The following WDR7 variants were observed in gnomAD, a reference collection of about 807,000 sequenced individuals.
The protein encoded by WDR7 is WD repeat-containing protein 7.
A neutral mutation model predicts 169.4 loss-of-function variants in WDR7; 46 were observed. The ratio of observed to expected loss-of-function variants is 0.27; its 90% CI spans 0.21 to 0.35. The LOEUF (loss-of-function observed/expected upper bound fraction) is 0.35. Among genes scored for constraint, WDR7 ranks in the 10% least tolerant of loss-of-function variants. The pLI is 1.00. For synonymous variants in WDR7, 612 were observed against 666.8 expected (o/e 0.92, Z 1.27); for missense variants, 1,534 against 1,859.3 (o/e 0.83, Z 3.22).
intron 26 of WDR7, chr18:57,010,333 A>G: frequency 2.1e-6 from 2 of 972,188 alleles, no homozygotes; most frequent in Non-Finnish European, 2.4e-6. Flanking sequence ...TTTATTCACT[A>G]TTCTTTTATT....
chr18:57,030,479 A>C (rs1044813778), downstream of WDR7: 1 of 152,170 alleles, frequency 6.6e-6, no homozygotes, highest in Non-Finnish European at 1.5e-5. Context: ...TCTTATAGGG[A>C]AAATAGGGGC....
At chr18:56,782,784 T>G (rs2044339013) in intron 19 of WDR7, among the ~76,000 whole-genome samples, 1 of 152,150 alleles carries the variant, frequency 6.6e-6, no homozygotes, top group South Asian at 2.1e-4. Flanking sequence ...TACCAGATCT[T>G]TGCCAGTGGT....
intron 14 of WDR7, among the ~76,000 whole-genome samples, chr18:56,747,142 A>G (rs1413184001): frequency 6.6e-6 from 1 of 152,148 alleles, no homozygotes; most frequent in African/African-American, 2.4e-5. Context: ...TCAAATCTCT[A>G]CAGAATGAAT....
At chr18:57,016,524 C>T (rs1303989098) in intron 26 of WDR7, among the ~76,000 whole-genome samples, 2 of 152,046 alleles carry the variant, frequency 1.3e-5, no homozygotes, top group Middle Eastern at 3.2e-3. Context: ...GTTTCAAGTC[C>T]CAAACTTGTC....
chr18:56,989,083 GA>G (rs35161458), intron 26 of WDR7, among the ~76,000 whole-genome samples: 9,098 of 136,250 alleles, frequency 0.067, 835 homozygotes, highest in African/African-American at 0.21. Context: ...ATGGTTTTTT[GA>G]AAAAAAAAAA....
chr18:56,743,178 A>C (rs547080973), intron 14 of WDR7, among the ~76,000 whole-genome samples: 1 of 152,280 alleles, frequency 6.6e-6, no homozygotes, highest in South Asian at 2.1e-4. Context: ...ATCGAATGTA[A>C]AAGCAGGTTT....
At chr18:56,852,784 CTG>C (rs1220990525) in intron 20 of WDR7, among the ~76,000 whole-genome samples, 3 of 152,086 alleles carry the variant, frequency 2.0e-5, no homozygotes, top group South Asian at 2.1e-4. Flanking sequence ...TGCTGAATAT[CTG>C]TGGATATTTA....
intron 14 of WDR7, among the ~76,000 whole-genome samples, chr18:56,746,055 T>C (rs1032784860): frequency 6.6e-6 from 1 of 152,212 alleles, no homozygotes; most frequent in African/African-American, 2.4e-5. Context: ...TTATATGACA[T>C]GGTATTGCAG....
At chr18:56,695,244 AC>A in intron 11 of WDR7, 46 bp downstream of exon 11, 1 of 1,575,170 alleles carries the variant, frequency 6.3e-7, no homozygotes, top group Non-Finnish European at 8.6e-7. Flanking sequence ...GACAACTCTT[AC>A]CCAGAGAGTG....
chr18:56,812,537 A>T (rs1392162678), intron 19 of WDR7, among the ~76,000 whole-genome samples: 1 of 152,196 alleles, frequency 6.6e-6, no homozygotes, highest in Admixed American at 6.5e-5. Context: ...AGGATAGGCC[A>T]TCTGTAAGTG....
At chr18:56,699,529 T>G (rs776397433) in intron 12 of WDR7, among the ~76,000 whole-genome samples, 2 of 152,250 alleles carry the variant, frequency 1.3e-5, no homozygotes, top group Non-Finnish European at 2.9e-5. Context: ...GTCATCTGTT[T>G]TGTTTATTAG....
chr18:56,750,215 T>C (rs2043769632), intron 14 of WDR7, among the ~76,000 whole-genome samples: 1 of 152,208 alleles, frequency 6.6e-6, no homozygotes, highest in Non-Finnish European at 1.5e-5. Flanking sequence ...TGTGGCTTTA[T>C]TTCTGTAATA....
intron 14 of WDR7, among the ~76,000 whole-genome samples, chr18:56,740,579 A>T (rs2043605063): frequency 6.6e-6 from 1 of 152,164 alleles, no homozygotes; most frequent in African/African-American, 2.4e-5. Flanking sequence ...ACTTAATATA[A>T]TCAGGGACTA....
In WDR7 at chr18:56,719,561, C is replaced by CAA. The variant is rs58285674; in HGVS notation, c.1774+1419_1774+1420dup. ...TGGGAGACACAGCGAGACTCTGTCT[C>CAA]AAAAAAAAAAAAAAAAAACAGAATT... On this transcript the variant is annotated intron_variant, in intron 13 of 27. Transcript: ENST00000254442. Among the ~76,000 whole-genome samples, 80 of 106,160 alleles carry CAA rather than the reference C, an allele frequency of 7.5e-4. 1 individual carries two copies. In the Middle Eastern group the frequency reaches 0.013, roughly 17 times the overall value. 69.6% of individuals were successfully genotyped at this position (106,160 alleles called of 152,430 possible).
At chr18:56,986,158 GTGTGTGTGTGTGTGTGTGTGTA>G (rs1385670471) in intron 26 of WDR7, among the ~76,000 whole-genome samples, 1 of 150,080 alleles carries the variant, frequency 6.7e-6, no homozygotes, top group Non-Finnish European at 1.5e-5. Flanking sequence ...GTGTGTGTGT[GTGTGTGTGTGTGTGTGTGTGTA>G]TACATATTCA....
chr18:56,898,540 G>A (rs963834003), intron 21 of WDR7, among the ~76,000 whole-genome samples: 3 of 151,974 alleles, frequency 2.0e-5, no homozygotes, highest in South Asian at 2.1e-4. Context: ...ACATTTCAAC[G>A]TCAGATTTTC....
chr18:56,926,819 T>C (rs1409710009), intron 22 of WDR7, among the ~76,000 whole-genome samples: 2 of 152,200 alleles, frequency 1.3e-5, no homozygotes, highest in African/African-American at 4.8e-5. Context: ...AAGATTTAGA[T>C]GGAAAATGGC....
chr18:56,988,590 A>AGTGTGT (rs71171009), intron 26 of WDR7, among the ~76,000 whole-genome samples: 5,763 of 142,578 alleles, frequency 0.04, 142 homozygotes, highest in African/African-American at 0.058. Flanking sequence ...ATGGAAGGCA[A>AGTGTGT]GTGTGTGTGT....
At chr18:56,904,444 C>T (rs1258003719) in intron 21 of WDR7, among the ~76,000 whole-genome samples, 1 of 152,150 alleles carries the variant, frequency 6.6e-6, no homozygotes, top group East Asian at 1.9e-4. Flanking sequence ...AAGTGTTCTG[C>T]ATTTAAGCTT....
Sources: gnomAD v4.1 joint callset for allele counts (sites outside exome capture counted in the v4.1 genomes callset) on GRCh38, gnomAD v4.1.1 for gene constraint, MANE v1.5 for transcripts, NCBI Gene and HGNC (gene_info 2026-07-23, HGNC 2026-07-21) for gene names.